SORCS1: variants seen among roughly 807,000 people sequenced by gnomAD.
SORCS1 encodes the protein VPS10 domain-containing receptor SorCS1.
In SORCS1, 60 loss-of-function variants were observed where a neutral mutation model predicts 146.1. The ratio of observed to expected loss-of-function variants is 0.41; its 90% CI spans 0.33 to 0.51. SORCS1 has a LOEUF of 0.51. SORCS1 is among the 20% of genes least tolerant of loss of function. The pLI is 0.21. For synonymous variants in SORCS1, 637 were observed against 584.0 expected (o/e 1.09, Z -1.31); for missense variants, 1,352 against 1,487.6 (o/e 0.91, Z 1.50).
chr10:106,862,780 C>CAAAAAAAAA (rs58654489), intron 2 of SORCS1, among the ~76,000 whole-genome samples: 1 of 60,246 alleles, frequency 1.7e-5, no homozygotes, highest in Non-Finnish European at 3.2e-5. Context: ...CCTGTCTCTA[C>CAAAAAAAAA]AAAAAAAAAA....
intron 2 of SORCS1, among the ~76,000 whole-genome samples, chr10:106,854,451 G>A (rs762805994): frequency 4.7e-5 from 7 of 148,306 alleles, no homozygotes; most frequent in African/African-American, 7.6e-5. Flanking sequence ...GACATTTAAA[G>A]TGATTATTAA....
At chr10:106,712,997 A>G (rs2135869558) in intron 6 of SORCS1, among the ~76,000 whole-genome samples, 1 of 152,320 alleles carries the variant, frequency 6.6e-6, no homozygotes, top group African/African-American at 2.4e-5. Flanking sequence ...ATTTAAACCT[A>G]GTACTGGTAC....
rs569615109 is a variant in SORCS1 at position 106,617,242 on chromosome 10, C to T, written c.2920+907G>A. On this transcript the variant is annotated intron_variant, in intron 21 of 25. Transcript: ENST00000263054. ...TGCTGCGATTACAGAAGTGAGCCGCCGCACCCAGCCTCTCTTGCTCTCTTT... is the reference window on the plus strand; with the variant it reads ...TGCTGCGATTACAGAAGTGAGCCGCTGCACCCAGCCTCTCTTGCTCTCTTT... Among the ~76,000 whole-genome samples the T allele has an allele frequency of 3.2e-3, 482 of 152,140 alleles. 2 individuals carry two copies. Among genetic ancestry groups the T allele is most frequent in the African/African-American group, 0.01 (431 of 41,532 alleles).
intron 4 of SORCS1, among the ~76,000 whole-genome samples, chr10:106,768,445 G>T (rs1434721941): frequency 2.6e-5 from 4 of 152,206 alleles, no homozygotes; most frequent in Non-Finnish European, 5.9e-5. Flanking sequence ...TCCCCAGGGG[G>T]TTGAATTTCA....
chr10:107,137,902 C>T (rs192674004), intron 1 of SORCS1, among the ~76,000 whole-genome samples: 96 of 151,824 alleles, frequency 6.3e-4, no homozygotes, highest in Admixed American at 1.3e-3. Context: ...TAATTTTATA[C>T]GCTTTTTTAA....
At chr10:106,899,197 C>T (rs564425685) in intron 2 of SORCS1, among the ~76,000 whole-genome samples, 12 of 152,332 alleles carry the variant, frequency 7.9e-5, no homozygotes, top group African/African-American at 2.4e-4. Context: ...CTCTTCCTGT[C>T]AGTCACATGA....
At chr10:106,896,223 G>A (rs1951470234) in intron 2 of SORCS1, among the ~76,000 whole-genome samples, 1 of 152,066 alleles carries the variant, frequency 6.6e-6, no homozygotes, top group African/African-American at 2.4e-5. Flanking sequence ...GAAGTCAGGA[G>A]TTTGAGACCA....
In SORCS1 at chr10:106,648,026, C is replaced by T. The variant is rs556901302; in HGVS notation, c.2475+4356G>A. On this transcript the variant is annotated intron_variant, in intron 18 of 25. Transcript: ENST00000263054. ...GGGACCACAGACACACGACACCACG[C>T]CTGGCTATTTTTTTTAATTATTTTT... Among the ~76,000 whole-genome samples, 449 of 143,356 alleles carry T rather than the reference C, an allele frequency of 3.1e-3. 1 individual carries two copies. The highest frequency in any genetic ancestry group is 4.9e-3 in the Admixed American group (73 of 14,856). 94.0% of individuals were successfully genotyped at this position (143,356 alleles called of 152,430 possible).
At chr10:106,757,395 C>A (rs1858731348) in intron 5 of SORCS1, among the ~76,000 whole-genome samples, 2 of 152,134 alleles carry the variant, frequency 1.3e-5, no homozygotes, top group South Asian at 4.2e-4. Context: ...AAGGAGGTTT[C>A]TTTTAACTAC....
At chr10:107,018,887 A>G (rs1213911247) in intron 1 of SORCS1, among the ~76,000 whole-genome samples, 1 of 152,250 alleles carries the variant, frequency 6.6e-6, no homozygotes, top group African/African-American at 2.4e-5. Context: ...AAACTGAAAG[A>G]AAAATAATCT....
chr10:107,046,856 C>G (rs1959507389), intron 1 of SORCS1, among the ~76,000 whole-genome samples: 1 of 152,146 alleles, frequency 6.6e-6, no homozygotes, highest in African/African-American at 2.4e-5. Context: ...TATGAAAGAG[C>G]ATAAAGCAAA....
intron 17 of SORCS1, among the ~76,000 whole-genome samples, chr10:106,666,262 A>G (rs1851131119): frequency 6.6e-6 from 1 of 152,242 alleles, no homozygotes; most frequent in African/African-American, 2.4e-5. Flanking sequence ...GCAGGTTGAC[A>G]GTTCCCAAAG....
intron 1 of SORCS1, among the ~76,000 whole-genome samples, chr10:107,161,425 G>T (rs139652683): frequency 6.6e-6 from 1 of 152,114 alleles, no homozygotes; most frequent in African/African-American, 2.4e-5. Flanking sequence ...TCTGGCCCTC[G>T]GGTTTAAATT....
intron 8 of SORCS1, among the ~76,000 whole-genome samples, chr10:106,700,048 T>C (rs764522527): frequency 8.5e-5 from 13 of 152,172 alleles, no homozygotes; most frequent in Non-Finnish European, 1.5e-5. Flanking sequence ...CTAACCCTCA[T>C]GTTAGTGTGT....
chr10:107,175,995 T>A, the SORCS1 span, among the ~76,000 whole-genome samples: 17 of 152,314 alleles, frequency 1.1e-4, no homozygotes, highest in African/African-American at 4.1e-4. Context: ...ATTTGAGTTA[T>A]TCTTTTGTAT....
chr10:106,870,415 C>A (rs1245416273), intron 2 of SORCS1, among the ~76,000 whole-genome samples: 1 of 152,048 alleles, frequency 6.6e-6, no homozygotes, highest in Non-Finnish European at 1.5e-5. Flanking sequence ...GCTGGAGGCA[C>A]CACATTTCCT....
chr10:106,739,787 T>TA (rs1033806692), intron 5 of SORCS1, among the ~76,000 whole-genome samples: 20 of 151,576 alleles, frequency 1.3e-4, no homozygotes, highest in African/African-American at 4.4e-4. Context: ...CCGTCTCTAC[T>TA]AAAAAACACA....
chr10:106,788,279 T>G lies in SORCS1; in HGVS notation c.727-11587A>C, dbSNP rs113704248. Among the ~76,000 whole-genome samples the G allele has an allele frequency of 9.2e-3, 1,404 of 152,268 alleles. 22 individuals are homozygous for G. The highest frequency in any genetic ancestry group is 0.032 in the African/African-American group (1,335 of 41,544). On this transcript the variant is annotated intron_variant, in intron 3 of 25. Transcript: ENST00000263054. ...AGGGACATAAAGCCTAACCATATCA[T>G]TCTGCCCTGGGCCCCTCCCAAATCT...
intron 6 of SORCS1, among the ~76,000 whole-genome samples, chr10:106,715,089 C>T (rs920900513): frequency 1.3e-5 from 2 of 152,182 alleles, no homozygotes; most frequent in Non-Finnish European, 2.9e-5. Flanking sequence ...CAGAAAGAAA[C>T]TGGCTGCACT....
Sources: gnomAD v4.1 joint callset for allele counts (sites outside exome capture counted in the v4.1 genomes callset) on GRCh38, gnomAD v4.1.1 for gene constraint, MANE v1.5 for transcripts, NCBI Gene and HGNC (gene_info 2026-07-23, HGNC 2026-07-21) for gene names.